The following VWA5A variants were observed in gnomAD, a reference collection of about 807,000 sequenced individuals.
VWA5A encodes von Willebrand factor A domain containing 5A, also known as von Willebrand factor A domain-containing protein 5A.
A neutral mutation model predicts 84.6 loss-of-function variants in VWA5A; 77 were observed. The ratio of observed to expected loss-of-function variants is 0.91; its 90% CI spans 0.76 to 1.10. The LOEUF is 1.10. Among genes scored for constraint, VWA5A ranks in the 50% least tolerant of loss-of-function variants. The probability of loss-of-function intolerance (pLI) is 0.00; values close to 1 mark genes in which losing one functional copy is unlikely to be tolerated. For missense variants in VWA5A, 973 were observed against 963.0 expected, an observed-to-expected ratio of 1.01 and a Z score of -0.14; for synonymous variants, 334 against 350.1, an observed-to-expected ratio of 0.95 and a Z score of 0.51.
At chr11:124,134,878 G>A (rs1212385963) in intron 11 of VWA5A, 42 bp from the exon 12 acceptor site, 2 of 1,503,712 alleles carry the variant, frequency 1.3e-6, no homozygotes, top group Non-Finnish European at 1.8e-6. Context: ...TATTTTCACT[G>A]TTTAATGCCT....
At position 124,137,168 on chromosome 11, in the gene VWA5A, G is replaced by C; in HGVS notation, c.1779G>C (p.Lys593Asn). Residue 593 changes from lysine to asparagine, a missense_variant, in exon 15 of 19, where the codon AAG (lysine) becomes AAC (asparagine). Physicochemically the swap from Lys to Asn is moderately conservative, Grantham distance 94 (BLOSUM62 0). Transcript: ENST00000456829. ...SSFTAFIAIN[K>N]ELNKPVQGPL... The stretch of plus-strand genomic sequence containing the variant: ...TCACAGCTTTCATTGCTATCAATAA[G>C]GAGCTCAACAAGCCGGTTCAGGGGC... 1 of 1,614,068 alleles carries C rather than the reference G, an allele frequency of 6.2e-7. No homozygotes were observed. The highest frequency in any genetic ancestry group is 2.2e-5 in the East Asian group (1 of 44,852).
In VWA5A at chr11:124,118,242, G is replaced by A; in HGVS notation, c.300G>A (p.Leu100=). 6.2e-7 allele frequency: 1 copy of A among 1,614,166 alleles called. No individual in the cohort carries two copies. Among genetic ancestry groups the A allele is most frequent in the Non-Finnish European group, 8.5e-7 (1 of 1,180,034 alleles). ...CCCAGGGCCACCAGGCCTTCTTATT[G>A]GAGGGGGACAGCAGCTCCAGGGATG... ...AISQGHQAFL[L]EGDSSSRDVF... The change falls in exon 5 of 19, where the codon TTG becomes TTA. Residue 100 remains leucine, a synonymous_variant. Coordinates refer to ENST00000456829, the MANE Select transcript of VWA5A (RefSeq NM_001130142.2).
intron 16 of VWA5A, among the ~76,000 whole-genome samples, chr11:124,142,206 G>A (rs1313409010): frequency 6.6e-6 from 1 of 152,182 alleles, no homozygotes; most frequent in Non-Finnish European, 1.5e-5. Context: ...CTTGCCTGCG[G>A]GCTGCCCTCG....
At chr11:124,145,003 G>T (rs4565905) in intron 17 of VWA5A, among the ~76,000 whole-genome samples, 89,154 of 151,974 alleles carry the variant, frequency 0.59, 26,799 homozygotes, top group East Asian at 0.74. Flanking sequence ...GAACCGTCCT[G>T]GTGGTTACAC....
At chr11:124,117,378 C>T in intron 2 of VWA5A, 119 bp from the exon 3 acceptor site, 1 of 1,021,704 alleles carries the variant, frequency 9.8e-7, no homozygotes, top group Non-Finnish European at 1.5e-6. Context: ...TTCCAACTTC[C>T]TAACTCCAAC....
At position 124,117,772 on chromosome 11, in the gene VWA5A, A is replaced by T. The variant is rs749399036; in HGVS notation, c.143A>T (p.Glu48Val). ...GAGAATGAGGAGAAAGTTCCTTTGG[A>T]GGCCTTCTTTGTGTTCCCCATGGAT... ...NYENEEKVPL[E>V]AFFVFPMDED... Residue 48 changes from glutamate (E) to valine (V), a missense_variant, in exon 4 of 19, where the codon GAG becomes GTG. Transcript: ENST00000456829. 4.3e-6 allele frequency: 7 copies of T among 1,614,144 alleles called. No individual in the cohort carries two copies. Among genetic ancestry groups the T allele is most frequent in the Non-Finnish European group, 5.1e-6 (6 of 1,180,028 alleles).
intron 12 of VWA5A, 45 bp downstream of exon 12, chr11:124,135,079 A>T (rs1865154157): frequency 6.5e-7 from 1 of 1,549,156 alleles, no homozygotes; most frequent in Non-Finnish European, 8.8e-7. Flanking sequence ...GGCAATCCAG[A>T]CCAAAGTGGA....
intron 11 of VWA5A, among the ~76,000 whole-genome samples, chr11:124,129,711 G>C (rs1235704496): frequency 6.6e-6 from 1 of 151,898 alleles, no homozygotes; most frequent in African/African-American, 2.4e-5. Flanking sequence ...GTCTTGGGGT[G>C]GGGGGTGTAT....
At chr11:124,125,904 G>A (rs1865012055) in intron 11 of VWA5A, among the ~76,000 whole-genome samples, 1 of 152,080 alleles carries the variant, frequency 6.6e-6, no homozygotes, top group African/African-American at 2.4e-5. Flanking sequence ...TGTTTTCTGT[G>A]TCCTGTTAAA....
intron 11 of VWA5A, among the ~76,000 whole-genome samples, chr11:124,128,423 G>C (rs536985759): frequency 6.6e-6 from 1 of 152,204 alleles, no homozygotes; most frequent in Non-Finnish European, 1.5e-5. Flanking sequence ...TAGCCTTGTA[G>C]TATAGTTTGA....
At chr11:124,135,670 A>G (rs1865167872) in intron 12 of VWA5A, among the ~76,000 whole-genome samples, 2 of 147,050 alleles carry the variant, frequency 1.4e-5, no homozygotes, top group African/African-American at 2.5e-5. Context: ...AGCTGGGACT[A>G]CAGGCGCCCG....
chr11:124,125,313 C>T (rs1189824692), intron 11 of VWA5A, among the ~76,000 whole-genome samples: 1 of 149,444 alleles, frequency 6.7e-6, no homozygotes, highest in Non-Finnish European at 1.5e-5. Flanking sequence ...GATGGAGTCT[C>T]GCTCTTTCGC....
At position 124,123,798 on chromosome 11, in the gene VWA5A, C is replaced by T; in HGVS notation, c.1158C>T (p.Pro386=). 6.4e-7 allele frequency: 1 copy of T among 1,569,720 alleles called. No individual in the cohort carries two copies. The highest frequency in any genetic ancestry group is 1.2e-5 in the South Asian group (1 of 82,182). ...GGGGACCCTCCATCCCAGGCCACCCCCTACAGGTAAGAAGTGGAACAGAGC... is the reference window on the plus strand; with the variant it reads ...GGGGACCCTCCATCCCAGGCCACCCTCTACAGGTAAGAAGTGGAACAGAGC... ...IYRGPSIPGH[P]LQLFVFTDGE... The change falls in exon 10 of 19, where the codon CCC becomes CCT. Residue 386 remains proline, a synonymous_variant. Coordinates refer to ENST00000456829, the MANE Select transcript of VWA5A (RefSeq NM_001130142.2).
Position 124,124,253 on chromosome 11 carries a change from A to G in VWA5A, c.1181A>G (p.Asp394Gly), listed in dbSNP as rs1348283329. ...GHPLQLFVFT[D>G]GEVTDTFSVI... is the part of the protein sequence containing the mutation. ...TTTGTATAGCTTTTTGTCTTTACAG[A>G]TGGAGAAGTTACAGACACGTTTAGT... The change falls in exon 11 of 19, where the codon GAT becomes GGT. Residue 394 changes from aspartate (D) to glycine (G), a missense_variant. Transcript: ENST00000456829. 1 of 1,613,884 alleles carries G rather than the reference A, an allele frequency of 6.2e-7. No individual in the cohort carries two copies. The highest frequency in any genetic ancestry group is 8.5e-7 in the Non-Finnish European group (1 of 1,179,888).
intron 7 of VWA5A, among the ~76,000 whole-genome samples, chr11:124,120,922 C>A (rs1351911073): frequency 6.6e-6 from 1 of 152,180 alleles, no homozygotes; most frequent in Non-Finnish European, 1.5e-5. Context: ...TGCAGATTTT[C>A]TCATCTAGTC....
At chr11:124,129,261 T>C (rs559453470) in intron 11 of VWA5A, among the ~76,000 whole-genome samples, 1 of 152,348 alleles carries the variant, frequency 6.6e-6, no homozygotes, top group African/African-American at 2.4e-5. Context: ...TCATTGGTTC[T>C]GTTTATGTGA....
At chr11:124,128,984 C>T (rs1275894579) in intron 11 of VWA5A, among the ~76,000 whole-genome samples, 1 of 152,138 alleles carries the variant, frequency 6.6e-6, no homozygotes, top group South Asian at 2.1e-4. Flanking sequence ...CTTTCTCTTG[C>T]CTGATTGCCC....
In VWA5A at chr11:124,145,968, T is replaced by G. The variant is rs761315203; in HGVS notation, c.*23T>G. The G allele has an allele frequency of 1.1e-5, 17 of 1,568,428 alleles. No individual in the cohort carries two copies. In the South Asian group the frequency reaches 1.9e-4, roughly 17 times the overall value. On this transcript the variant is annotated 3_prime_UTR_variant, in exon 19 of 19. Coordinates refer to ENST00000456829, the MANE Select transcript of VWA5A (RefSeq NM_001130142.2). ...TGAAGATACCATCCAGAAAAAGAAG[T>G]GCCTTTAATTTGCTACTGTCATTTC...
intron 4 of VWA5A, 146 bp downstream of exon 4, chr11:124,118,021 C>T: frequency 7.7e-7 from 1 of 1,294,074 alleles, no homozygotes; most frequent in Non-Finnish European, 1.1e-6. Flanking sequence ...TTTCTAACTG[C>T]CATTTTTCTA....
Sources: allele counts gnomAD v4.1 joint callset (sites outside exome capture counted in the v4.1 genomes callset), GRCh38; gene constraint gnomAD v4.1.1; transcripts MANE v1.5; gene names NCBI Gene and HGNC (gene_info 2026-07-23, HGNC 2026-07-21).